Variants in ACVR1 observed in about 807,000 individuals in gnomAD.
ACVR1 encodes the protein activin A receptor type 1.
A neutral mutation model predicts 57.1 loss-of-function variants in ACVR1; 38 were observed. The ratio of observed to expected loss-of-function variants is 0.67; its 90% CI spans 0.51 to 0.87. The LOEUF is 0.87. ACVR1 is among the 40% of genes least tolerant of loss of function. ACVR1 has a pLI of 0.00. For synonymous variants in ACVR1, 212 were observed against 228.1 expected (o/e 0.93, Z 0.63); for missense variants, 463 against 638.2 (o/e 0.73, Z 2.96).
chr2:157,748,928 A>G (rs1685072748), intron 9 of ACVR1, among the ~76,000 whole-genome samples: 1 of 152,216 alleles, frequency 6.6e-6, no homozygotes, highest in Non-Finnish European at 1.5e-5. Context: ...GTGGAATGGA[A>G]ACAGCTATTA....
intron 7 of ACVR1, among the ~76,000 whole-genome samples, chr2:157,769,740 G>C (rs1016471210): frequency 6.6e-6 from 1 of 152,168 alleles, no homozygotes; most frequent in Non-Finnish European, 1.5e-5. Context: ...ACATGTATCA[G>C]TATAAACACA....
chr2:157,797,273 T>C (rs1687158176), intron 3 of ACVR1, among the ~76,000 whole-genome samples: 1 of 152,198 alleles, frequency 6.6e-6, no homozygotes, highest in Non-Finnish European at 1.5e-5. Context: ...ATGAAATAGA[T>C]GTATAATATT....
chr2:157,767,321 A>G (rs1257674612), intron 7 of ACVR1, among the ~76,000 whole-genome samples: 2 of 152,220 alleles, frequency 1.3e-5, no homozygotes, highest in East Asian at 1.9e-4. Context: ...AGCGTGAGAC[A>G]TCGCGATCAG....
chr2:157,747,491 G>T (rs967950551), intron 9 of ACVR1, among the ~76,000 whole-genome samples: 12 of 152,002 alleles, frequency 7.9e-5, no homozygotes, highest in Admixed American at 3.3e-4. Context: ...AATAAAAACA[G>T]CCTATTAAGC....
At chr2:157,744,631 A>G (rs568390728) in intron 9 of ACVR1, among the ~76,000 whole-genome samples, 2 of 152,372 alleles carry the variant, frequency 1.3e-5, no homozygotes, top group East Asian at 1.9e-4. Flanking sequence ...GGCAGTATGA[A>G]TGAATTGGGA....
chr2:157,787,434 C>T (rs1326212601), intron 3 of ACVR1, among the ~76,000 whole-genome samples: 1 of 152,150 alleles, frequency 6.6e-6, no homozygotes, highest in Non-Finnish European at 1.5e-5. Context: ...ACTTTAAAAA[C>T]CAAAAAATAC....
At position 157,814,174 on chromosome 2, in the gene ACVR1, AC is replaced by A. The variant is rs145807604; in HGVS notation, c.-8+4210del. 3.8e-3 allele frequency among the ~76,000 whole-genome samples: 586 copies of A among 152,364 alleles called. 8 individuals are homozygous for A. Among genetic ancestry groups the A allele is most frequent in the African/African-American group, 0.014 (562 of 41,590 alleles). On this transcript the variant is annotated intron_variant, in intron 2 of 10. Transcript: ENST00000434821. ...TATAAAATTTGTAATAACCTGCACA[AC>A]AAAGTAATAATTATTTCTATACAAA...
intron 7 of ACVR1, among the ~76,000 whole-genome samples, chr2:157,769,831 C>CA (rs1686010368): frequency 6.6e-6 from 1 of 152,192 alleles, no homozygotes; most frequent in Non-Finnish European, 1.5e-5. Flanking sequence ...AGCAGTATTT[C>CA]AACGGGCACT....
In ACVR1 at chr2:157,832,770, C is replaced by T. The variant is rs565057837; in HGVS notation, c.-182-14211G>A. On this transcript the variant is annotated intron_variant, in intron 1 of 10. Transcript: ENST00000434821. ...TAACATAAAACATGCCTGAATTTGA[C>T]TGTTAGGAGTCTTTTCTTCACAAGC... is the stretch of plus-strand genomic sequence containing the variant. 4.6e-5 allele frequency among the ~76,000 whole-genome samples: 7 copies of T among 152,212 alleles called. No individual in the cohort carries two copies. The East Asian group carries it at 9.7e-4, about 21-fold the overall frequency.
At chr2:157,755,554 A>G (rs566255306) in intron 9 of ACVR1, among the ~76,000 whole-genome samples, 2,573 of 147,250 alleles carry the variant, frequency 0.017, 70 homozygotes, top group African/African-American at 0.06. Context: ...ATACCATACC[A>G]TACCATACCA....
chr2:157,802,206 T>C (rs928798530), intron 2 of ACVR1, among the ~76,000 whole-genome samples: 14 of 151,884 alleles, frequency 9.2e-5, no homozygotes, highest in African/African-American at 1.5e-4. Flanking sequence ...TTGGGAGGTG[T>C]GGTGGGAGAG....
rs34575127 is a variant in ACVR1, at chr2:157,796,700, T to TAA, written c.67+2725_67+2726dup. 1.8e-3 allele frequency among the ~76,000 whole-genome samples: 243 copies of TAA among 137,528 alleles called. 3 individuals are homozygous for TAA. Among genetic ancestry groups the TAA allele is most frequent in the African/African-American group, 6.2e-3 (232 of 37,384 alleles). The allele number at this position is 137,528 out of a possible 152,430, so 90.2% of individuals were successfully genotyped here. On this transcript the variant is annotated intron_variant, in intron 3 of 10. Coordinates refer to ENST00000434821, the MANE Select transcript of ACVR1 (RefSeq NM_001111067.4). The stretch of plus-strand genomic sequence containing the variant: ...TCATTATTTACCAATTTAAAAGAGG[T>TAA]AAAAAAAAAAAAAGTCCTAGAAACT...
intron 1 of ACVR1, among the ~76,000 whole-genome samples, chr2:157,858,960 A>AT: frequency 6.6e-6 from 1 of 152,160 alleles, no homozygotes; most frequent in East Asian, 1.9e-4. Flanking sequence ...CTACTTGGAC[A>AT]TCCCAAGTCC....
intron 3 of ACVR1, among the ~76,000 whole-genome samples, chr2:157,796,855 C>T (rs1687142440): frequency 6.6e-6 from 1 of 152,162 alleles, no homozygotes; most frequent in African/African-American, 2.4e-5. Context: ...CGTATTAATT[C>T]CTTCAACATT....
intron 1 of ACVR1, among the ~76,000 whole-genome samples, chr2:157,831,396 A>C (rs1688576203): frequency 6.6e-6 from 1 of 152,204 alleles, no homozygotes; most frequent in Non-Finnish European, 1.5e-5. Context: ...ACTGCACTGA[A>C]TCATTTCATG....
At chr2:157,755,422 G>A (rs928781800) in intron 9 of ACVR1, among the ~76,000 whole-genome samples, 1 of 152,020 alleles carries the variant, frequency 6.6e-6, no homozygotes, top group Admixed American at 6.5e-5. Flanking sequence ...GTTTCTGGGT[G>A]CAAAATTAAT....
intron 1 of ACVR1, among the ~76,000 whole-genome samples, chr2:157,842,787 T>C (rs1689020774): frequency 1.3e-5 from 2 of 152,170 alleles, no homozygotes. Flanking sequence ...CAGAGGAATT[T>C]AAGGAATGTA....
chr2:157,785,623 C>T (rs1686685856), intron 3 of ACVR1, among the ~76,000 whole-genome samples: 1 of 152,170 alleles, frequency 6.6e-6, no homozygotes, highest in South Asian at 2.1e-4. Flanking sequence ...AATAATCTCT[C>T]ATTATAAAAC....
chr2:157,757,039 TATATAA>T lies in ACVR1; in HGVS notation c.1264+3835_1264+3840del, dbSNP rs1369141251. The stretch of plus-strand genomic sequence containing the variant: ...TATATTTGATATATATATATATATA[TATATAA>T]AATAGAATACTACTAACCCATAAAA... On this transcript the variant is annotated intron_variant, in intron 9 of 10. Coordinates refer to ENST00000434821, the MANE Select transcript of ACVR1 (RefSeq NM_001111067.4). 2.6e-3 allele frequency among the ~76,000 whole-genome samples: 337 copies of T among 127,768 alleles called. 2 individuals are homozygous for T. The highest frequency in any genetic ancestry group is 0.011 in the African/African-American group (318 of 27,854). 83.8% of individuals were successfully genotyped at this position (127,768 alleles called of 152,430 possible).
Sources: allele counts gnomAD v4.1 joint callset (sites outside exome capture counted in the v4.1 genomes callset), GRCh38; gene constraint gnomAD v4.1.1; transcripts MANE v1.5; gene names NCBI Gene and HGNC (gene_info 2026-07-23, HGNC 2026-07-21).